PHF14: variants seen among roughly 807,000 people sequenced by gnomAD.
The protein encoded by PHF14 is PHD finger protein 14.
Under a neutral mutation model 117.9 loss-of-function variants are expected in PHF14, and 55 were observed. The observed-to-expected ratio is 0.47, with a 90% confidence interval of 0.38 to 0.58. The LOEUF (loss-of-function observed/expected upper bound fraction) is 0.58, where lower values mean the gene tolerates loss of function less well. Among genes scored for constraint, PHF14 ranks in the 20% least tolerant of loss-of-function variants. The pLI is 0.00. For missense variants in PHF14, 978 were observed against 1,122.2 expected, an observed-to-expected ratio of 0.87 and a Z score of 1.84; for synonymous variants, 409 against 368.6, an observed-to-expected ratio of 1.11 and a Z score of -1.26.
chr7:11,054,011 A>G lies in PHF14; in HGVS notation c.2481+2231A>G, dbSNP rs114878529. 9.9e-3 allele frequency among the ~76,000 whole-genome samples: 1,506 copies of G among 152,064 alleles called. 23 individuals are homozygous for G. The highest frequency in any genetic ancestry group is 0.035 in the African/African-American group (1,442 of 41,466). On this transcript the variant is annotated intron_variant, in intron 14 of 17. Transcript: ENST00000634607. ...TTCTTACTTGTAGAAATTCCAATGC[A>G]TGTTGAAGCTCCAAAAAAAAAAAAT... is the stretch of plus-strand genomic sequence containing the variant.
At chr7:11,048,983 GA>G (rs1784763937) in intron 13 of PHF14, among the ~76,000 whole-genome samples, 1 of 152,130 alleles carries the variant, frequency 6.6e-6, no homozygotes, top group Admixed American at 6.6e-5. Flanking sequence ...TTATAGTGGG[GA>G]TGGAAGTGAA....
At chr7:11,159,529 A>C (rs2128356470) in intron 17 of PHF14, among the ~76,000 whole-genome samples, 1 of 152,230 alleles carries the variant, frequency 6.6e-6, no homozygotes, top group East Asian at 1.9e-4. Context: ...TTAATTTTCA[A>C]AGAAAATATT....
At chr7:11,040,221 T>C (rs1261140434) in intron 11 of PHF14, among the ~76,000 whole-genome samples, 1 of 152,070 alleles carries the variant, frequency 6.6e-6, no homozygotes, top group African/African-American at 2.4e-5. Flanking sequence ...TACTACAGAT[T>C]AGTAGAAACC....
At chr7:11,113,697 G>A (rs1787516906) in intron 17 of PHF14, among the ~76,000 whole-genome samples, 2 of 152,096 alleles carry the variant, frequency 1.3e-5, no homozygotes, top group Admixed American at 6.6e-5. Flanking sequence ...TATTTGTGCT[G>A]CATCAGTGGT....
Position 10,974,182 on chromosome 7 carries a change from C to T in PHF14, c.-142C>T. 1.4e-6 allele frequency: 1 copy of T among 733,142 alleles called. No individual in the cohort carries two copies. The highest frequency in any genetic ancestry group is 2.4e-6 in the Non-Finnish European group (1 of 424,332). 45.4% of individuals were successfully genotyped at this position (733,142 alleles called of 1,614,324 possible). A position where few individuals can be genotyped will look rare whatever the true frequency, so the allele number is the denominator to read the frequency against. ...ACCGCGGGGCTACTCTTGGGAGCGC[C>T]CCTGTCCGGCTGGCTGCGCGCCGGT... On this transcript the variant is annotated 5_prime_UTR_variant, in exon 1 of 18. Transcript: ENST00000634607.
At chr7:11,140,961 CT>C (rs1434605472) in intron 17 of PHF14, among the ~76,000 whole-genome samples, 1 of 152,002 alleles carries the variant, frequency 6.6e-6, no homozygotes, top group Non-Finnish European at 1.5e-5. Flanking sequence ...AGGTAACTTC[CT>C]TTTTCATGTC....
chr7:11,122,625 G>C (rs1043049549), intron 17 of PHF14, among the ~76,000 whole-genome samples: 1 of 151,432 alleles, frequency 6.6e-6, no homozygotes, highest in Non-Finnish European at 1.5e-5. Context: ...TTCTTTATTT[G>C]TTTCCCTTCA....
At chr7:11,095,457 A>T (rs772300540) in intron 16 of PHF14, among the ~76,000 whole-genome samples, 3 of 152,100 alleles carry the variant, frequency 2.0e-5, no homozygotes, top group Non-Finnish European at 2.9e-5. Context: ...AATTAACTCA[A>T]TTTCCTCTGT....
chr7:11,026,737 T>C (rs925265945), intron 6 of PHF14, among the ~76,000 whole-genome samples: 1 of 151,746 alleles, frequency 6.6e-6, no homozygotes, highest in African/African-American at 2.4e-5. Flanking sequence ...TTTTTTTTTT[T>C]TAAATTTAAT....
At chr7:11,073,488 G>T (rs979178214) in intron 16 of PHF14, among the ~76,000 whole-genome samples, 4 of 152,256 alleles carry the variant, frequency 2.6e-5, no homozygotes, top group Admixed American at 6.5e-5. Context: ...GCTTTGGGCA[G>T]CTCTGCTGCT....
In PHF14 at chr7:11,003,909, T is replaced by C. The variant is rs910060209; in HGVS notation, c.1046-9838T>C. 1.3e-5 allele frequency among the ~76,000 whole-genome samples: 2 copies of C among 152,146 alleles called. 1 individual carries two copies. The highest frequency in any genetic ancestry group is 3.8e-4 in the East Asian group (2 of 5,196). On this transcript the variant is annotated intron_variant, in intron 4 of 17. Coordinates refer to ENST00000634607, the MANE Select transcript of PHF14 (RefSeq NM_001007157.2). The stretch of plus-strand genomic sequence containing the variant: ...GGTTTTTTAACTTTATTTTATTATG[T>C]AGATATATGTCCTCTGTGGAAAACA...
In PHF14 at chr7:11,036,389, T is replaced by A. The variant is rs994939263; in HGVS notation, c.1603-29T>A. ...AGGAACATGTTTCATTTTATTATCT[T>A]TTAAAATTTGAATACATTTCTTTTA... is the stretch of plus-strand genomic sequence containing the variant. On this transcript the variant is annotated intron_variant, in intron 8 of 17. Coordinates refer to ENST00000634607, the MANE Select transcript of PHF14 (RefSeq NM_001007157.2). 7 of 1,527,638 alleles carry A rather than the reference T, an allele frequency of 4.6e-6. No individual in the cohort carries two copies. In the South Asian group the frequency reaches 7.3e-5, roughly 16 times the overall value. 94.6% of individuals were successfully genotyped at this position (1,527,638 alleles called of 1,614,324 possible).
chr7:11,124,180 TAAA>T (rs894773920), intron 17 of PHF14, among the ~76,000 whole-genome samples: 57 of 152,184 alleles, frequency 3.7e-4, no homozygotes, highest in African/African-American at 1.3e-3. Context: ...ATTTTAAACA[TAAA>T]GAAGTATTTT....
At chr7:11,021,409 G>A (rs1583376956) in intron 5 of PHF14, among the ~76,000 whole-genome samples, 2 of 152,004 alleles carry the variant, frequency 1.3e-5, no homozygotes, top group Non-Finnish European at 1.5e-5. Flanking sequence ...TAGTTGTCTC[G>A]GCCATGATTT....
intron 16 of PHF14, among the ~76,000 whole-genome samples, chr7:11,081,355 T>C (rs1786092704): frequency 1.3e-5 from 2 of 152,184 alleles, no homozygotes; most frequent in South Asian, 4.1e-4. Flanking sequence ...TTAGCTCAAT[T>C]TTTATATAAG....
intron 17 of PHF14, among the ~76,000 whole-genome samples, chr7:11,164,938 T>C (rs1789156959): frequency 6.6e-6 from 1 of 152,234 alleles, no homozygotes; most frequent in African/African-American, 2.4e-5. Flanking sequence ...CATTCTTTTT[T>C]TTTTGAGACG....
intron 4 of PHF14, among the ~76,000 whole-genome samples, chr7:10,999,268 A>G (rs1464612389): frequency 1.3e-5 from 2 of 152,198 alleles, no homozygotes; most frequent in Non-Finnish European, 2.9e-5. Context: ...AGTTCACTCC[A>G]GTCCTCTCTC....
At chr7:11,125,436 A>G (rs761725566) in intron 17 of PHF14, among the ~76,000 whole-genome samples, 1 of 152,120 alleles carries the variant, frequency 6.6e-6, no homozygotes, top group Non-Finnish European at 1.5e-5. Context: ...TCTTCTTCAA[A>G]AGAATACTTG....
chr7:11,143,014 T>C (rs1365381086), intron 17 of PHF14, among the ~76,000 whole-genome samples: 1 of 152,194 alleles, frequency 6.6e-6, no homozygotes, highest in Non-Finnish European at 1.5e-5. Context: ...GAAAAAGTTA[T>C]CTATTTGATC....
Sources: allele counts gnomAD v4.1 joint callset (sites outside exome capture counted in the v4.1 genomes callset), GRCh38; gene constraint gnomAD v4.1.1; transcripts MANE v1.5; gene names NCBI Gene and HGNC (gene_info 2026-07-23, HGNC 2026-07-21).